The following CTNND2 variants were observed in gnomAD, a reference collection of about 807,000 sequenced individuals.
CTNND2 encodes the protein catenin delta 2, also known as catenin delta-2.
A neutral mutation model predicts 144.4 loss-of-function variants in CTNND2; 22 were observed. The observed-to-expected ratio is 0.15, with a 90% CI of 0.11 to 0.22. The LOEUF (loss-of-function observed/expected upper bound fraction) is 0.22, where lower values mean the gene tolerates loss of function less well. Ranked by LOEUF, CTNND2 falls within the 10% of genes least tolerant of loss-of-function variation. The pLI is 1.00. For missense variants in CTNND2, 1,353 were observed against 1,618.8 expected, an observed-to-expected ratio of 0.84 and a Z score of 2.82; for synonymous variants, 751 against 695.6, an observed-to-expected ratio of 1.08 and a Z score of -1.25.
At chr5:11,781,953 A>T (rs1790562138) in intron 1 of CTNND2, among the ~76,000 whole-genome samples, 1 of 152,236 alleles carries the variant, frequency 6.6e-6, no homozygotes, top group South Asian at 2.1e-4. Flanking sequence ...GGGTCCACCC[A>T]AATCTCATCT....
rs1178688289 is a variant in CTNND2, at chr5:11,757,022, T to C, written c.38-24750A>G. Among the ~76,000 whole-genome samples, 5 of 151,844 alleles carry C rather than the reference T, an allele frequency of 3.3e-5. No homozygotes were observed. The East Asian group carries it at 9.7e-4, about 29-fold the overall frequency. ...AATTACACAATATCTGGTTTTCAAA[T>C]ATTCAAACAACTTAAAACAATAAAA... On this transcript the variant is annotated intron_variant, in intron 1 of 21. Coordinates refer to ENST00000304623, the MANE Select transcript of CTNND2 (RefSeq NM_001332.4).
intron 2 of CTNND2, among the ~76,000 whole-genome samples, chr5:11,625,970 G>T (rs1781130645): frequency 2.0e-5 from 3 of 152,118 alleles, no homozygotes; most frequent in Non-Finnish European, 4.4e-5. Context: ...CTGAAATTAT[G>T]AATATATTCA....
At chr5:11,198,422 A>T (rs1737088059) in intron 11 of CTNND2, among the ~76,000 whole-genome samples, 1 of 152,248 alleles carries the variant, frequency 6.6e-6, no homozygotes, top group Non-Finnish European at 1.5e-5. Context: ...ATTTAAGAAA[A>T]TATACGAAAG....
At chr5:11,023,670 G>C (rs1742527040) in intron 16 of CTNND2, among the ~76,000 whole-genome samples, 1 of 152,136 alleles carries the variant, frequency 6.6e-6, no homozygotes, top group South Asian at 2.1e-4. Flanking sequence ...AGTTCTACCA[G>C]GTAACACTTA....
At chr5:11,182,203 T>G (rs542464411) in intron 11 of CTNND2, among the ~76,000 whole-genome samples, 1 of 142,698 alleles carries the variant, frequency 7.0e-6, no homozygotes, top group South Asian at 2.3e-4. Flanking sequence ...TATGTGTGTG[T>G]GGGTGTGTGT....
rs181344847 is a variant in CTNND2, at chr5:11,605,057, A to C, written c.175-40001T>G. Among the ~76,000 whole-genome samples, 147 of 152,282 alleles carry C rather than the reference A, an allele frequency of 9.7e-4. 2 individuals carry two copies. Among genetic ancestry groups the C allele is most frequent in the African/African-American group, 3.1e-3 (127 of 41,568 alleles). On this transcript the variant is annotated intron_variant, in intron 2 of 21. Coordinates refer to ENST00000304623, the MANE Select transcript of CTNND2 (RefSeq NM_001332.4). ...AACTCATCTTAAATAAAGTTCCTTT[A>C]TTTATGAAATGGGAAAAACTCTTGT...
At chr5:11,409,379 C>T (rs1761340797) in intron 5 of CTNND2, among the ~76,000 whole-genome samples, 1 of 151,976 alleles carries the variant, frequency 6.6e-6, no homozygotes, top group East Asian at 1.9e-4. Context: ...CAAACATATA[C>T]TATCATGCAA....
intron 2 of CTNND2, among the ~76,000 whole-genome samples, chr5:11,722,351 A>G (rs1786735862): frequency 6.6e-6 from 1 of 152,190 alleles, no homozygotes; most frequent in Non-Finnish European, 1.5e-5. Context: ...GACTGAAATT[A>G]ATGGTTACAC....
intron 2 of CTNND2, among the ~76,000 whole-genome samples, chr5:11,660,361 G>C (rs974395608): frequency 1.3e-5 from 2 of 152,150 alleles, no homozygotes; most frequent in East Asian, 3.9e-4. Context: ...CTGATTTAAG[G>C]AGAAAGAGAA....
At chr5:11,576,387 A>G (rs1777972404) in intron 2 of CTNND2, among the ~76,000 whole-genome samples, 1 of 150,410 alleles carries the variant, frequency 6.6e-6, no homozygotes, top group African/African-American at 2.4e-5. Context: ...GTTAAATTAC[A>G]TACAATTAAG....
intron 1 of CTNND2, among the ~76,000 whole-genome samples, chr5:11,734,360 G>T (rs956395004): frequency 6.6e-5 from 10 of 152,192 alleles, no homozygotes; most frequent in African/African-American, 2.4e-4. Flanking sequence ...CACATGTAGT[G>T]AGAGGGACCA....
At chr5:11,478,542 T>C (rs1035814008) in intron 3 of CTNND2, among the ~76,000 whole-genome samples, 8 of 152,204 alleles carry the variant, frequency 5.3e-5, no homozygotes, top group African/African-American at 1.9e-4. Flanking sequence ...ACCAGCCACA[T>C]CTGTTCATTT....
chr5:11,224,739 C>T (rs989684717), intron 10 of CTNND2, among the ~76,000 whole-genome samples: 1 of 152,148 alleles, frequency 6.6e-6, no homozygotes, highest in Non-Finnish European at 1.5e-5. Context: ...TAGTCAAATG[C>T]CCCTCCAGTT....
chr5:11,499,917 A>G (rs1330245124), intron 3 of CTNND2, among the ~76,000 whole-genome samples: 3 of 152,020 alleles, frequency 2.0e-5, no homozygotes, highest in Non-Finnish European at 4.4e-5. Context: ...ACTTCCCTGT[A>G]CTTTCATTTA....
chr5:11,046,489 T>G (rs1745274053), intron 16 of CTNND2, among the ~76,000 whole-genome samples: 1 of 152,240 alleles, frequency 6.6e-6, no homozygotes, highest in Non-Finnish European at 1.5e-5. Flanking sequence ...AGGGGCACTT[T>G]GTTATAGGAA....
chr5:11,138,905 T>C (rs775924160), intron 12 of CTNND2, among the ~76,000 whole-genome samples: 5 of 152,180 alleles, frequency 3.3e-5, no homozygotes, highest in African/African-American at 4.8e-5. Context: ...AACTAAAGCA[T>C]TGGAATCATC....
intron 2 of CTNND2, among the ~76,000 whole-genome samples, chr5:11,730,790 A>T (rs1787347032): frequency 6.6e-6 from 1 of 152,204 alleles, no homozygotes; most frequent in Non-Finnish European, 1.5e-5. Flanking sequence ...GTGATAAAAC[A>T]ATTTTCAGCA....
chr5:11,391,026 C>G (rs139270579), intron 6 of CTNND2, among the ~76,000 whole-genome samples: 1 of 151,980 alleles, frequency 6.6e-6, no homozygotes, highest in African/African-American at 2.4e-5. Context: ...AATGTGGCCA[C>G]GGACTGGGGG....
At chr5:11,783,852 T>A (rs1581878344) in intron 1 of CTNND2, among the ~76,000 whole-genome samples, 1 of 152,328 alleles carries the variant, frequency 6.6e-6, no homozygotes, top group East Asian at 1.9e-4. Context: ...GGCAAGGCCC[T>A]GACTACTTGT....
Sources: allele counts gnomAD v4.1 joint callset (sites outside exome capture counted in the v4.1 genomes callset), GRCh38; gene constraint gnomAD v4.1.1; transcripts MANE v1.5; gene names NCBI Gene and HGNC (gene_info 2026-07-23, HGNC 2026-07-21).